ERMARD: variants seen among roughly 807,000 people sequenced by gnomAD.
The protein encoded by ERMARD is endoplasmic reticulum membrane-associated RNA degradation protein.
In ERMARD, 71 loss-of-function variants were observed where a neutral mutation model predicts 83.9. The ratio of observed to expected loss-of-function variants is 0.85; its 90% CI spans 0.70 to 1.03. The LOEUF is 1.03. Among genes scored for constraint, ERMARD ranks in the 50% least tolerant of loss-of-function variants. The pLI is 0.00. For synonymous variants in ERMARD, 284 were observed against 298.6 expected, an observed-to-expected ratio of 0.95 and a Z score of 0.50; for missense variants, 838 against 810.9, an observed-to-expected ratio of 1.03 and a Z score of -0.41.
At chr6:169,776,140 A>G (rs564908794) in intron 15 of ERMARD, 75 bp downstream of exon 15, 53 of 1,583,966 alleles carry the variant, frequency 3.3e-5, no homozygotes, top group Non-Finnish European at 3.8e-5. Context: ...AGCATTTTCT[A>G]TGTTTTAGAT....
Position 169,779,288 on chromosome 6 carries a change from T to C in ERMARD, c.1846T>C (p.Tyr616His), listed in dbSNP as rs923894450. The C allele has an allele frequency of 6.2e-7, 1 of 1,613,868 alleles. No homozygotes were observed. The highest frequency in any genetic ancestry group is 1.3e-5 in the African/African-American group (1 of 75,050). The stretch of plus-strand genomic sequence containing the variant: ...GAAGAATGCGCATGAGTATCAGCAG[T>C]ACCTAAAGTAAGTGTGTCACAGTAT... ...CGKNAHEYQQ[Y>H]LKFVKSILQY... Residue 616 changes from tyrosine to histidine, a missense_variant, in exon 17 of 18, where the codon TAC becomes CAC. Tyr to His is a moderately conservative substitution (Grantham distance 83, BLOSUM62 2). Coordinates refer to ENST00000366773, the MANE Select transcript of ERMARD (RefSeq NM_018341.3).
rs527275523 is a variant in ERMARD, at chr6:169,781,356, C to T, written c.1880C>T (p.Thr627Met). ...LKFVKSILQYTENLVAYTSYE... is the reference protein window; with the variant it reads ...LKFVKSILQYMENLVAYTSYE... Reference sequence around the variant, plus strand: ...TTTGTAAAGTCGATCTTGCAGTACACGGAGAACCTGGTGGCTTACACCAGT... The same window carrying T: ...TTTGTAAAGTCGATCTTGCAGTACATGGAGAACCTGGTGGCTTACACCAGT... Residue 627 changes from threonine to methionine, a missense_variant, in exon 18 of 18, where the codon ACG becomes ATG. Physicochemically the swap from Thr to Met is moderately conservative, Grantham distance 81 (BLOSUM62 -1). Transcript: ENST00000366773. The T allele has an allele frequency of 2.0e-5, 32 of 1,610,132 alleles. 1 individual carries two copies. Among genetic ancestry groups the T allele is most frequent in the Middle Eastern group, 1.7e-4 (1 of 6,060 alleles).
At chr6:169,756,221 C>A in intron 3 of ERMARD, 117 bp from the exon 4 acceptor site, 1 of 507,264 alleles carries the variant, frequency 2.0e-6, no homozygotes, top group Non-Finnish European at 3.4e-6. Flanking sequence ...TACTTATTCA[C>A]TGAAAATAAA....
intron 13 of ERMARD, 118 bp downstream of exon 13, chr6:169,773,520 C>G (rs1793226716): frequency 2.0e-6 from 2 of 1,002,680 alleles, no homozygotes; most frequent in Non-Finnish European, 3.0e-6. Flanking sequence ...TTGGGCAGAT[C>G]CAGCTTTTTA....
intron 9 of ERMARD, 67 bp downstream of exon 9, chr6:169,762,598 A>G: frequency 7.4e-7 from 1 of 1,352,944 alleles, no homozygotes; most frequent in Non-Finnish European, 1.0e-6. Flanking sequence ...TTACCAATTA[A>G]AAGTTTTTAA....
At chr6:169,756,523 T>C (rs1585346972) in intron 4 of ERMARD, 84 bp downstream of exon 4, 5 of 1,107,322 alleles carry the variant, frequency 4.5e-6, no homozygotes, top group Admixed American at 4.7e-5. Flanking sequence ...CTCAGTTTTC[T>C]TGATTATTTT....
At chr6:169,752,493 A>ACTCGCC (rs1472476294) in intron 1 of ERMARD, among the ~76,000 whole-genome samples, 1 of 152,194 alleles carries the variant, frequency 6.6e-6, no homozygotes, top group Non-Finnish European at 1.5e-5. Context: ...GACAATCGCC[A>ACTCGCC]ATCAACAAAT....
At chr6:169,758,231 C>A (rs903491240) in intron 5 of ERMARD, among the ~76,000 whole-genome samples, 1 of 152,234 alleles carries the variant, frequency 6.6e-6, no homozygotes, top group African/African-American at 2.4e-5. Context: ...CTCGAGTCTT[C>A]TGGAGGCTCA....
intron 5 of ERMARD, 103 bp downstream of exon 5, chr6:169,756,911 AC>A: frequency 9.6e-7 from 1 of 1,043,480 alleles, no homozygotes; most frequent in South Asian, 1.4e-5. Flanking sequence ...AATTGGACTT[AC>A]GGTTTCACAT....
Position 169,766,648 on chromosome 6 carries a change from T to G in ERMARD, c.971T>G (p.Leu324Arg), listed in dbSNP as rs763698481. The G allele has an allele frequency of 6.3e-7, 1 of 1,581,904 alleles. No individual in the cohort carries two copies. Among genetic ancestry groups the G allele is most frequent in the South Asian group, 1.2e-5 (1 of 84,338 alleles). The part of the protein sequence containing the change: ...KRLLTAESTA[L>R]YTTFDQILAK... ...TTTCCTTTTCTGAAGTCAACAGCTCTTTATACCACCTTTGATCAAGTAAGT... is the reference window on the plus strand; with the variant it reads ...TTTCCTTTTCTGAAGTCAACAGCTCGTTATACCACCTTTGATCAAGTAAGT... The change falls in exon 10 of 18, where the codon CTT (leucine) becomes CGT (arginine). Residue 324 changes from leucine to arginine, a missense_variant. Physicochemically the swap from Leu to Arg is moderately radical, Grantham distance 102 (BLOSUM62 -2). Coordinates refer to ENST00000366773, the MANE Select transcript of ERMARD (RefSeq NM_018341.3).
chr6:169,768,479 C>CG (rs1792484569), intron 11 of ERMARD, among the ~76,000 whole-genome samples: 1 of 152,182 alleles, frequency 6.6e-6, no homozygotes, highest in Non-Finnish European at 1.5e-5. Flanking sequence ...ACAGTTAGGC[C>CG]GGGTGCGGTG....
At position 169,753,945 on chromosome 6, in the gene ERMARD, G is replaced by T; in HGVS notation, c.88G>T (p.Glu30Ter). 1 of 1,613,714 alleles carries T rather than the reference G, an allele frequency of 6.2e-7. No individual in the cohort carries two copies. Among genetic ancestry groups the T allele is most frequent in the Non-Finnish European group, 8.5e-7 (1 of 1,179,808 alleles). Residue 30 changes from glutamate to a stop codon, truncating the protein, a stop_gained, in exon 2 of 18, where the codon GAA becomes TAA. Coordinates refer to ENST00000366773, the MANE Select transcript of ERMARD (RefSeq NM_018341.3). LOFTEE classifies it high-confidence loss of function. Reference sequence around the variant, plus strand: ...TTGTAATCTTGGGTTTCAACTCAGAGAAAATTGTGATATCAATAGCATTGT... The same window carrying T: ...TTGTAATCTTGGGTTTCAACTCAGATAAAATTGTGATATCAATAGCATTGT... ...IICNLGFQLR[E>*]NCDINSIVTQ...
At chr6:169,769,833 C>T in intron 12 of ERMARD, 120 bp downstream of exon 12, 7 of 906,648 alleles carry the variant, frequency 7.7e-6, no homozygotes, top group Non-Finnish European at 1.1e-5. Flanking sequence ...TTACAGTATC[C>T]TCCATCAGAA....
intron 9 of ERMARD, among the ~76,000 whole-genome samples, chr6:169,765,717 GATTATTAAACATTT>G (rs1243600486): frequency 2.0e-5 from 3 of 152,208 alleles, no homozygotes; most frequent in African/African-American, 7.2e-5. Context: ...ATTTAAAATA[GATTATTAAACATTT>G]ATTATTAAAC....
At chr6:169,777,150 G>A (rs7751218) in intron 16 of ERMARD, among the ~76,000 whole-genome samples, 10,131 of 152,246 alleles carry the variant, frequency 0.067, 640 homozygotes, top group East Asian at 0.16. Flanking sequence ...GGGGGTAGAG[G>A]AATAGTCACT....
At chr6:169,769,022 A>C (rs1300660314) in intron 11 of ERMARD, among the ~76,000 whole-genome samples, 1 of 152,192 alleles carries the variant, frequency 6.6e-6, no homozygotes, top group Non-Finnish European at 1.5e-5. Context: ...AGATGATTGA[A>C]CTAGTTTAAT....
In ERMARD at chr6:169,775,338, A is replaced by G; in HGVS notation, c.1386A>G (p.Gln462=). 6.2e-7 allele frequency: 1 copy of G among 1,614,104 alleles called. No homozygotes were observed. Among genetic ancestry groups the G allele is most frequent in the Non-Finnish European group, 8.5e-7 (1 of 1,179,954 alleles). ...LLPFPEELTR[Q]AVRLEDNSET... is the part of the protein sequence containing the mutation. The stretch of plus-strand genomic sequence containing the variant: ...CTTTCCCCGAAGAACTCACTCGGCA[A>G]GCCGTCAGGTGCGTGGCATCCTGGG... The change falls in exon 14 of 18, where the codon CAA becomes CAG. Residue 462 remains glutamine, a synonymous_variant. Transcript: ENST00000366773.
At chr6:169,760,100 T>C in intron 7 of ERMARD, 126 bp downstream of exon 7, 1 of 1,494,444 alleles carries the variant, frequency 6.7e-7, no homozygotes, top group East Asian at 2.3e-5. Context: ...TCGGATGGCT[T>C]TCAGAGTTGC....
At chr6:169,781,208 T>A in intron 17 of ERMARD, 122 bp from the exon 18 acceptor site, 1 of 860,212 alleles carries the variant, frequency 1.2e-6, no homozygotes, top group Non-Finnish European at 1.7e-6. Flanking sequence ...TTTTCTTGAA[T>A]CCTCAGACAT....
Sources: gnomAD v4.1 joint callset for allele counts (sites outside exome capture counted in the v4.1 genomes callset) on GRCh38, gnomAD v4.1.1 for gene constraint, MANE v1.5 for transcripts, NCBI Gene and HGNC (gene_info 2026-07-23, HGNC 2026-07-21) for gene names.